UBN2: variants seen among roughly 807,000 people sequenced by gnomAD.
UBN2 encodes the protein ubinuclein-2.
A neutral mutation model predicts 120.2 loss-of-function variants in UBN2; 35 were observed. The observed-to-expected ratio is 0.29, with a 90% confidence interval of 0.22 to 0.39. The LOEUF (loss-of-function observed/expected upper bound fraction) is 0.39, where lower values mean the gene tolerates loss of function less well. Among genes scored for constraint, UBN2 ranks in the 10% least tolerant of loss-of-function variants. The probability of loss-of-function intolerance (pLI) is 1.00; values close to 1 mark genes in which losing one functional copy is unlikely to be tolerated. For missense variants in UBN2, 1,693 were observed against 1,663.2 expected (o/e 1.02, Z -0.31); for synonymous variants, 661 against 648.7 (o/e 1.02, Z -0.29).
At chr7:139,263,441 A>C (rs1397070982) in intron 6 of UBN2, among the ~76,000 whole-genome samples, 1 of 152,132 alleles carries the variant, frequency 6.6e-6, no homozygotes. Context: ...AGTTGGTTGG[A>C]AATCACAATA....
chr7:139,293,093 G>T lies in UBN2; in HGVS notation c.3670-139G>T. 4 of 675,560 alleles carry T rather than the reference G, an allele frequency of 5.9e-6. No homozygotes were observed. In the East Asian group the frequency reaches 1.1e-4, roughly 18 times the overall value. The allele number at this position is 675,560 out of a possible 1,614,324, so 41.8% of individuals were successfully genotyped here. A position where few individuals can be genotyped will look rare whatever the true frequency, so the allele number is the denominator to read the frequency against. ...AACAGCGTCTAAGGAACCTACCGTG[G>T]TAATGAAGAGCCTGTCTCACAACGT... On this transcript the variant is annotated intron_variant, in intron 15 of 17. Transcript: ENST00000473989.
At chr7:139,280,113 G>A (rs1321397006) in intron 13 of UBN2, among the ~76,000 whole-genome samples, 1 of 152,126 alleles carries the variant, frequency 6.6e-6, no homozygotes, top group Non-Finnish European at 1.5e-5. Context: ...GGTATAACGT[G>A]CCCTCTTCAG....
Position 139,283,980 on chromosome 7 carries a change from G to A in UBN2, c.3075G>A (p.Gln1025=), listed in dbSNP as rs752636760. 3.7e-5 allele frequency: 59 copies of A among 1,613,880 alleles called. 1 individual carries two copies. In the East Asian group the frequency reaches 1.2e-3, roughly 33 times the overall value. The stretch of plus-strand genomic sequence containing the variant: ...CTATGGTGTCACAGATCTCCACGCA[G>A]GGTTTCAAATCTCCCTTCTCGATGG... ...AKAMVSQIST[Q]GFKSPFSMAA... The change falls in exon 15 of 18, where the codon CAG becomes CAA. Residue 1025 remains glutamine (Q), a synonymous_variant. Coordinates refer to ENST00000473989, the MANE Select transcript of UBN2 (RefSeq NM_173569.4).
chr7:139,301,173 A>G lies in UBN2; in HGVS notation c.*3337A>G, dbSNP rs1798248113. 2 of 152,286 alleles carry G rather than the reference A, an allele frequency of 1.3e-5. No homozygotes were observed. The highest frequency in any genetic ancestry group is 6.6e-5 in the Admixed American group (1 of 15,252). 9.4% of individuals were successfully genotyped at this position (152,286 alleles called of 1,614,324 possible). A position where few individuals can be genotyped will look rare whatever the true frequency, so the allele number is the denominator to read the frequency against. On this transcript the variant is annotated 3_prime_UTR_variant, in exon 18 of 18. Coordinates refer to ENST00000473989, the MANE Select transcript of UBN2 (RefSeq NM_173569.4). ...TAGGGTTTATTGAATCAGGAAGGTA[A>G]GGGGAAGAACCGGGCACATATGTGT...
the UBN2 span, among the ~76,000 whole-genome samples, chr7:139,325,532 G>A: frequency 6.6e-6 from 1 of 152,138 alleles, no homozygotes; most frequent in African/African-American, 2.4e-5. Flanking sequence ...GCCTCCCAAA[G>A]TGCTGGGATT....
the UBN2 span, among the ~76,000 whole-genome samples, chr7:139,328,393 C>T: frequency 6.6e-6 from 1 of 152,210 alleles, no homozygotes; most frequent in Admixed American, 6.5e-5. Context: ...AATCACCTTC[C>T]ACGAGGCCCC....
rs545997040 is a variant in UBN2 at position 139,246,258 on chromosome 7, G to A, written c.562-5698G>A. ...TGCGCACCTGCAGTCCCAGCTACTC[G>A]GGAGGCTGAGGCAGGAGAATCACTT... On this transcript the variant is annotated intron_variant, in intron 2 of 17. Coordinates refer to ENST00000473989, the MANE Select transcript of UBN2 (RefSeq NM_173569.4). Among the ~76,000 whole-genome samples, 211 of 152,164 alleles carry A rather than the reference G, an allele frequency of 1.4e-3. 1 individual carries two copies. In the South Asian group the frequency reaches 0.02, roughly 14 times the overall value.
At chr7:139,323,044 A>G in the UBN2 span, among the ~76,000 whole-genome samples, 4 of 152,338 alleles carry the variant, frequency 2.6e-5, no homozygotes, top group South Asian at 2.1e-4. Flanking sequence ...GAGTATTATC[A>G]TGCACTGCAG....
Position 139,258,553 on chromosome 7 carries a change from T to A in UBN2, c.729T>A (p.Thr243=). 6.2e-7 allele frequency: 1 copy of A among 1,607,256 alleles called. No homozygotes were observed. Residue 243 remains threonine, a synonymous_variant, in exon 4 of 18, where the codon ACT becomes ACA. Transcript: ENST00000473989. ...GAGGCTTTTATATCAACACTGGCAC[T>A]CTACAGTTTCGCCAAGCTTCAGATA... ...KYGGFYINTG[T]LQFRQASDTE...
At chr7:139,258,244 A>G (rs1796821025) in intron 3 of UBN2, among the ~76,000 whole-genome samples, 1 of 152,200 alleles carries the variant, frequency 6.6e-6, no homozygotes, top group Admixed American at 6.5e-5. Flanking sequence ...AATTTTTCTT[A>G]GCAGGTGATA....
intron 17 of UBN2, among the ~76,000 whole-genome samples, chr7:139,296,032 A>G (rs1798100597): frequency 1.3e-5 from 2 of 152,262 alleles, no homozygotes; most frequent in African/African-American, 2.4e-5. Context: ...CAGTTTGAGT[A>G]GGCTTGTTTG....
chr7:139,250,839 G>A (rs1796606052), intron 2 of UBN2, among the ~76,000 whole-genome samples: 1 of 152,080 alleles, frequency 6.6e-6, no homozygotes, highest in Non-Finnish European at 1.5e-5. Flanking sequence ...GGACCCAGTG[G>A]CTCACACCTA....
chr7:139,288,431 C>T (rs954354523), intron 15 of UBN2, among the ~76,000 whole-genome samples: 3 of 152,010 alleles, frequency 2.0e-5, no homozygotes, highest in Non-Finnish European at 4.4e-5. Context: ...TATGAAGACA[C>T]TGAGATGGAA....
chr7:139,235,799 A>G (rs1020827053), intron 1 of UBN2, among the ~76,000 whole-genome samples: 4 of 152,254 alleles, frequency 2.6e-5, no homozygotes, highest in Non-Finnish European at 5.9e-5. Context: ...TAACTCCTTT[A>G]AAGAAGTATC....
At chr7:139,246,265 T>C (rs1219627509) in intron 2 of UBN2, among the ~76,000 whole-genome samples, 2 of 152,116 alleles carry the variant, frequency 1.3e-5, no homozygotes, top group African/African-American at 2.4e-5. Context: ...CTCGGGAGGC[T>C]GAGGCAGGAG....
At position 139,231,494 on chromosome 7, in the gene UBN2, C is replaced by G; in HGVS notation, c.10C>G (p.Pro4Ala). 1 of 1,391,020 alleles carries G rather than the reference C, an allele frequency of 7.2e-7. No individual in the cohort carries two copies. The highest frequency in any genetic ancestry group is 1.6e-5 in the South Asian group (1 of 63,500). 86.2% of individuals were successfully genotyped at this position (1,391,020 alleles called of 1,614,324 possible). Reference protein sequence around the residue: MAEPRRVAFISLSP... With the variant: MAEARRVAFISLSP... ...GGCCAGAACAGTGGGGATGGCGGAG[C>G]CGCGCAGAGTAGCGTTCATTAGCTT... Residue 4 changes from proline (P) to alanine (A), a missense_variant, in exon 1 of 18, where the codon CCG becomes GCG. Transcript: ENST00000473989.
At chr7:139,239,172 C>G (rs1035616874) in intron 2 of UBN2, among the ~76,000 whole-genome samples, 65 of 152,286 alleles carry the variant, frequency 4.3e-4, no homozygotes, top group African/African-American at 1.5e-3. Context: ...TTTCCCACCC[C>G]CTTTTTATAC....
chr7:139,236,770 TGTTA>T (rs1406206479), intron 1 of UBN2, among the ~76,000 whole-genome samples: 1 of 151,926 alleles, frequency 6.6e-6, no homozygotes, highest in Non-Finnish European at 1.5e-5. Flanking sequence ...CTGACTTACT[TGTTA>T]GTATTAGGAA....
rs1238458076 is a variant in UBN2, at chr7:139,299,276, TCATC to T, written c.*1444_*1447del. 1 of 152,174 alleles carries T rather than the reference TCATC, an allele frequency of 6.6e-6. No homozygotes were observed. The highest frequency in any genetic ancestry group is 2.4e-5 in the African/African-American group (1 of 41,456). The allele number at this position is 152,174 out of a possible 1,614,324, so 9.4% of individuals were successfully genotyped here. A position where few individuals can be genotyped will look rare whatever the true frequency, so the allele number is the denominator to read the frequency against. On this transcript the variant is annotated 3_prime_UTR_variant, in exon 18 of 18. Coordinates refer to ENST00000473989, the MANE Select transcript of UBN2 (RefSeq NM_173569.4). The stretch of plus-strand genomic sequence containing the variant: ...GTGTAAACTCTAAATGGTATAAGCT[TCATC>T]CATTTATAATGACACTAACCTAAAA...
Sources: gnomAD v4.1 joint callset for allele counts (sites outside exome capture counted in the v4.1 genomes callset) on GRCh38, gnomAD v4.1.1 for gene constraint, MANE v1.5 for transcripts, NCBI Gene and HGNC (gene_info 2026-07-23, HGNC 2026-07-21) for gene names.